The following EPCAM variants were observed in gnomAD, a reference collection of about 807,000 sequenced individuals.
The protein encoded by EPCAM is epithelial cell adhesion molecule, also known as adenocarcinoma-associated antigen.
EPCAM carries 39 observed loss-of-function variants against 40.0 expected under a neutral mutation model. The observed-to-expected ratio is 0.98, with a 90% CI of 0.76 to 1.27. EPCAM has a LOEUF of 1.27. Ranked by LOEUF, EPCAM falls within the 50% of genes most tolerant of loss-of-function variation. The probability of loss-of-function intolerance (pLI) is 0.00; values close to 1 mark genes in which losing one functional copy is unlikely to be tolerated. For synonymous variants in EPCAM, 168 were observed against 132.3 expected (o/e 1.27, Z -1.85); for missense variants, 503 against 381.2 (o/e 1.32, Z -2.66).
In EPCAM at chr2:47,379,802, A is replaced by G. The variant is rs568079223; in HGVS notation, c.691A>G (p.Met231Val). 8.1e-6 allele frequency: 13 copies of G among 1,613,742 alleles called. No individual in the cohort carries two copies. Among genetic ancestry groups the G allele is most frequent in the Non-Finnish European group, 1.1e-5 (13 of 1,179,966 alleles). Residue 231 changes from methionine to valine, a missense_variant, in exon 7 of 9, where the codon ATG (methionine) becomes GTG (valine). Transcript: ENST00000263735. ...TGAATCCTTGTTTCATTCTAAGAAA[A>G]TGGACCTGACAGTAAATGGGGAACA... is the stretch of plus-strand genomic sequence containing the variant. ...KGESLFHSKKMDLTVNGEQLD... is the reference protein window; with the variant it reads ...KGESLFHSKKVDLTVNGEQLD...
At position 47,379,903 on chromosome 2, in the gene EPCAM, A is replaced by G. The variant is rs776027650; in HGVS notation, c.792A>G (p.Leu264=). 6.2e-7 allele frequency: 1 copy of G among 1,614,174 alleles called. No homozygotes were observed. Among genetic ancestry groups the G allele is most frequent in the South Asian group, 1.1e-5 (1 of 91,084 alleles). ...EKAPEFSMQG[L]KAGVIAVIVV... Reference sequence around the variant, plus strand: ...CACCTGAATTCTCAATGCAGGGTCTAAAAGCTGGTGTTATTGCTGTTATTG... The same window carrying G: ...CACCTGAATTCTCAATGCAGGGTCTGAAAGCTGGTGTTATTGCTGTTATTG... Residue 264 remains leucine (L), a synonymous_variant, in exon 7 of 9, where the codon CTA becomes CTG. Transcript: ENST00000263735.
At chr2:47,373,210 A>ACAACAAC in intron 1 of EPCAM, among the ~76,000 whole-genome samples, 1 of 141,504 alleles carries the variant, frequency 7.1e-6, no homozygotes. Context: ...ATCTTTAAAA[A>ACAACAAC]AAAAAAAAAA....
chr2:47,380,528 C>G (rs563711208), intron 7 of EPCAM, among the ~76,000 whole-genome samples: 5 of 152,154 alleles, frequency 3.3e-5, no homozygotes, highest in Non-Finnish European at 7.3e-5. Flanking sequence ...AAATTGCCAT[C>G]TAGCAGCAAG....
At chr2:47,381,417 T>G (rs1375671660) in intron 7 of EPCAM, among the ~76,000 whole-genome samples, 1 of 125,110 alleles carries the variant, frequency 8.0e-6, no homozygotes, top group Non-Finnish European at 1.7e-5. Context: ...AAAAAAGAAA[T>G]CTTACTAACA....
At chr2:47,377,361 C>T (rs965921575) in intron 5 of EPCAM, among the ~76,000 whole-genome samples, 9 of 152,102 alleles carry the variant, frequency 5.9e-5, no homozygotes, top group Middle Eastern at 3.4e-3. Flanking sequence ...CTCAGCCTCC[C>T]GAGGAGCTGG....
rs1002325729 is a variant in EPCAM, at chr2:47,387,010, T to G, written c.*397T>G. 1 of 230,194 alleles carries G rather than the reference T, an allele frequency of 4.3e-6. No individual in the cohort carries two copies. The highest frequency in any genetic ancestry group is 8.6e-6 in the Non-Finnish European group (1 of 116,592). The allele number at this position is 230,194 out of a possible 1,614,324, so 14.3% of individuals were successfully genotyped here. On this transcript the variant is annotated 3_prime_UTR_variant, in exon 9 of 9. Transcript: ENST00000263735. ...TTTTATGAGCTATGAAATAAAACAT[T>G]TTAAACTGAATTTCTTAACTTTGAC...
intron 5 of EPCAM, chr2:47,377,600 A>C (rs1439405841): frequency 1.1e-5 from 3 of 261,558 alleles, no homozygotes. Context: ...TTACTCCTAA[A>C]GAAAACGTAG....
Position 47,379,851 on chromosome 2 carries a change from CTT to C in EPCAM, c.742_743del (p.Leu248AsnfsTer5). On this transcript the variant is annotated frameshift_variant, in exon 7 of 9. Transcript: ENST00000263735. LOFTEE classifies it high-confidence loss of function. The stretch of plus-strand genomic sequence containing the variant: ...CAACTGGATCTGGATCCTGGTCAAA[CTT>C]TAATTTATTATGTTGATGAAAAAGC... 6.2e-7 allele frequency: 1 copy of C among 1,614,044 alleles called. No homozygotes were observed. Among genetic ancestry groups the C allele is most frequent in the Non-Finnish European group, 8.5e-7 (1 of 1,180,022 alleles).
intron 7 of EPCAM, among the ~76,000 whole-genome samples, 188 bp from the exon 8 acceptor site, chr2:47,384,978 A>G (rs2103768041): frequency 6.6e-6 from 1 of 152,352 alleles, no homozygotes; most frequent in Non-Finnish European, 1.5e-5. Context: ...AAGTGCCGGG[A>G]TTACAGGCAT....
At chr2:47,373,691 G>T (rs1176088924) in intron 2 of EPCAM, 117 bp from the exon 3 acceptor site, 1 of 1,484,038 alleles carries the variant, frequency 6.7e-7, no homozygotes, top group Non-Finnish European at 9.3e-7. Flanking sequence ...CAAAGTAAGT[G>T]TGGGAACACA....
rs1311323007 is a variant in EPCAM, at chr2:47,376,915, A to G, written c.492-99A>G. 2.5e-5 allele frequency: 19 copies of G among 756,564 alleles called. No homozygotes were observed. The East Asian group carries it at 4.6e-4, about 18-fold the overall frequency. 46.9% of individuals were successfully genotyped at this position (756,564 alleles called of 1,614,324 possible). A position where few individuals can be genotyped will look rare whatever the true frequency, so the allele number is the denominator to read the frequency against. On this transcript the variant is annotated intron_variant, in intron 4 of 8. Transcript: ENST00000263735. Reference sequence around the variant, plus strand: ...TGGCAGAAAAATTTTAACTTTAATGACAGTTTTAGACCCTGAGCTGTCTGC... The same window carrying G: ...TGGCAGAAAAATTTTAACTTTAATGGCAGTTTTAGACCCTGAGCTGTCTGC...
intron 8 of EPCAM, among the ~76,000 whole-genome samples, chr2:47,385,896 G>A (rs1021893120): frequency 6.6e-6 from 1 of 152,160 alleles, no homozygotes; most frequent in African/African-American, 2.4e-5. Context: ...TTTGGTGACC[G>A]CAAGTCTAGA....
At chr2:47,376,921 T>C in intron 4 of EPCAM, 93 bp from the exon 5 acceptor site, 1 of 824,884 alleles carries the variant, frequency 1.2e-6, no homozygotes. Context: ...AATGACAGTT[T>C]TAGACCCTGA....
At chr2:47,371,807 T>C (rs1279345561) in intron 1 of EPCAM, among the ~76,000 whole-genome samples, 3 of 152,174 alleles carry the variant, frequency 2.0e-5, no homozygotes, top group Non-Finnish European at 4.4e-5. Context: ...GAGTTTAGTG[T>C]TGGGCAGATT....
Position 47,376,858 on chromosome 2 carries a change from C to G in EPCAM, c.492-156C>G, listed in dbSNP as rs183253223. On this transcript the variant is annotated intron_variant, in intron 4 of 8. Transcript: ENST00000263735. The stretch of plus-strand genomic sequence containing the variant: ...TTGAATATCAATGGATGATTCCAGC[C>G]TGAATCAATTATTATTATGATAGTT... Among the ~76,000 whole-genome samples the G allele has an allele frequency of 1.0e-3, 159 of 152,204 alleles. 1 individual carries two copies. The highest frequency in any genetic ancestry group is 3.5e-3 in the African/African-American group (145 of 41,516).
chr2:47,371,558 A>T (rs1338134836), intron 1 of EPCAM, among the ~76,000 whole-genome samples: 1 of 152,254 alleles, frequency 6.6e-6, no homozygotes, highest in Non-Finnish European at 1.5e-5. Context: ...ATGCAGTTTT[A>T]GTCAACTCAT....
At chr2:47,377,700 A>G (rs1671463414) in intron 5 of EPCAM, 1 of 400,236 alleles carries the variant, frequency 2.5e-6, no homozygotes, top group Non-Finnish European at 4.9e-6. Flanking sequence ...TAAAGTAAAT[A>G]TGCACCAAAA....
At chr2:47,373,715 A>T (rs1191889758) in intron 2 of EPCAM, 93 bp from the exon 3 acceptor site, 5 of 1,561,024 alleles carry the variant, frequency 3.2e-6, no homozygotes, top group African/African-American at 1.4e-5. Flanking sequence ...ATTTCAAATA[A>T]TCTTTGACCC....
chr2:47,369,692 G>C lies in EPCAM; in HGVS notation c.76+111G>C, dbSNP rs1250688488. The C allele has an allele frequency of 5.2e-6, 6 of 1,150,430 alleles. No individual in the cohort carries two copies. The African/African-American group carries it at 7.7e-5, about 15-fold the overall frequency. 71.3% of individuals were successfully genotyped at this position (1,150,430 alleles called of 1,614,324 possible). Reference sequence around the variant, plus strand: ...AATAGGGAGGGGACCAAGAGGCCGCGCTTTCCAGCGTGGAGACCGGACGGT... The same window carrying C: ...AATAGGGAGGGGACCAAGAGGCCGCCCTTTCCAGCGTGGAGACCGGACGGT... On this transcript the variant is annotated intron_variant, in intron 1 of 8. Transcript: ENST00000263735.
Sources: allele counts gnomAD v4.1 joint callset (sites outside exome capture counted in the v4.1 genomes callset), GRCh38; gene constraint gnomAD v4.1.1; transcripts MANE v1.5; gene names NCBI Gene and HGNC (gene_info 2026-07-23, HGNC 2026-07-21).